SCART1: variants seen among roughly 807,000 people sequenced by gnomAD.
SCART1 encodes scavenger receptor family member expressed on T cells 1, also known as scavenger receptor cysteine-rich domain-containing protein SCART1.
SCART1 carries 62 observed loss-of-function variants against 36.2 expected under a neutral mutation model. That is an observed-to-expected ratio of 1.71 (90% CI 1.40 to 2.12). The LOEUF is 2.12. Ranked by LOEUF, SCART1 falls within the 30% of genes most tolerant of loss-of-function variation. The pLI is 0.00. For missense variants in SCART1, 1,041 were observed against 540.5 expected, an observed-to-expected ratio of 1.93 and a Z score of -9.18; for synonymous variants, 487 against 238.7, an observed-to-expected ratio of 2.04 and a Z score of -9.59.
At chr10:133,458,003 G>A (rs2133551444) in intron 3 of SCART1, 2 of 540,320 alleles carry the variant, frequency 3.7e-6, no homozygotes, top group African/African-American at 1.9e-5. Context: ...TAGTCTGCCT[G>A]CTGCGGTACC....
chr10:133,458,403 C>T (rs777242891), exon 4 of SCART1: 47 of 702,164 alleles, frequency 6.7e-5, no homozygotes, highest in Non-Finnish European at 8.3e-5. Flanking sequence ...ACCCCTGCGC[C>T]GGGCGCCTGG....
intron 6 of SCART1, among the ~76,000 whole-genome samples, chr10:133,463,679 A>G (rs1176857292): frequency 1.1e-4 from 17 of 151,666 alleles, no homozygotes; most frequent in Non-Finnish European, 2.2e-4. Context: ...TATGTACCAC[A>G]TTTCTGTTTT....
rs180738082 is a variant in SCART1 at position 133,461,288 on chromosome 10, G to A, written c.1969+1118G>A. On this transcript the variant is annotated intron_variant, in intron 6 of 11. Transcript: ENST00000640237. ...ACCTGCGGTCTCCTGAGAGGGTCAC[G>A]GGCTGCCCATCTGACCTGTGGTCTC... Among the ~76,000 whole-genome samples the A allele has an allele frequency of 2.4e-4, 36 of 151,314 alleles. No individual in the cohort carries two copies. In the South Asian group the frequency reaches 5.2e-3, roughly 22 times the overall value.
rs140071294 is a variant in SCART1, at chr10:133,456,134, C to T, written c.68-103C>T. 1.0e-3 allele frequency: 647 copies of T among 635,876 alleles called. 1 individual carries two copies. The highest frequency in any genetic ancestry group is 9.7e-3 in the African/African-American group (540 of 55,734). 39.4% of individuals were successfully genotyped at this position (635,876 alleles called of 1,614,324 possible). On this transcript the variant is annotated intron_variant, in intron 1 of 11. Coordinates refer to ENST00000640237, the Ensembl canonical transcript of SCART1. ...TTGGTGGGGTGAGAGGAGCCCGACT[C>T]GCTGCTGAGGCCTCACAGGCCGTTC...
At chr10:133,467,015 G>A (rs114558588) in intron 10 of SCART1, 183 bp from the exon 11 acceptor site, 19 of 514,232 alleles carry the variant, frequency 3.7e-5, no homozygotes, top group African/African-American at 2.3e-4. Context: ...GGCAAGGGAC[G>A]GTGGCCAGGG....
chr10:133,456,903 A>G (rs1850623413), intron 2 of SCART1, among the ~76,000 whole-genome samples: 1 of 152,116 alleles, frequency 6.6e-6, no homozygotes, highest in Admixed American at 6.5e-5. Context: ...TAGACAAATG[A>G]CAGACAGGTA....
intron 2 of SCART1, 41 bp from the exon 3 acceptor site, chr10:133,457,238 C>T (rs1412169481): frequency 1.4e-6 from 1 of 690,608 alleles, no homozygotes; most frequent in East Asian, 2.7e-5. Flanking sequence ...ATGCGGCCAG[C>T]TGGGTCCATA....
Position 133,466,475 on chromosome 10 carries a change from G to T in SCART1, c.2806+94G>T, listed in dbSNP as rs184390807. On this transcript the variant is annotated intron_variant, in intron 10 of 11. Transcript: ENST00000640237. ...TGGTGTTGGGGTCTGGGCAGGCGGG[G>T]TGCCCCACAGCAGTCAGGCCTATGC... The T allele has an allele frequency of 4.0e-3, 2,568 of 645,134 alleles. 15 individuals are homozygous for T. Among genetic ancestry groups the T allele is most frequent in the Non-Finnish European group, 4.4e-3 (1,585 of 359,082 alleles). 40.0% of individuals were successfully genotyped at this position (645,134 alleles called of 1,614,324 possible).
chr10:133,460,124 G>A (rs1850679749), exon 6 of SCART1: 3 of 518,386 alleles, frequency 5.8e-6, no homozygotes, highest in Middle Eastern at 2.7e-4. Context: ...CGGGCTGGGG[G>A]CGGCACGACT....
At chr10:133,461,411 A>C (rs547118045) in intron 6 of SCART1, among the ~76,000 whole-genome samples, 1 of 152,236 alleles carries the variant, frequency 6.6e-6, no homozygotes, top group East Asian at 1.9e-4. Flanking sequence ...ATTTTGGTTT[A>C]TATTTTACTT....
rs755788903 is a variant in SCART1 at position 133,465,273 on chromosome 10, C to G, written c.2367C>G (p.Arg789=). ...CAGAGGAGGGCGCACTGCGCGTGCGCGGGGGCGAGGACCGCTGCTCCGGGC... is the reference window on the plus strand; with the variant it reads ...CAGAGGAGGGCGCACTGCGCGTGCGGGGGGGCGAGGACCGCTGCTCCGGGC... The change falls in exon 9 of 12, where the codon CGC becomes CGG. Residue 789 remains arginine, a synonymous_variant. Coordinates refer to ENST00000640237, the Ensembl canonical transcript of SCART1. 3.1e-5 allele frequency: 21 copies of G among 688,044 alleles called. 1 individual carries two copies. The highest frequency in any genetic ancestry group is 2.7e-4 in the South Asian group (18 of 65,852). The allele number at this position is 688,044 out of a possible 1,614,324, so 42.6% of individuals were successfully genotyped here. A position where few individuals can be genotyped will look rare whatever the true frequency, so the allele number is the denominator to read the frequency against.
chr10:133,456,425 G>A (rs1218279314), exon 2 of SCART1: 1 of 702,870 alleles, frequency 1.4e-6, no homozygotes, highest in East Asian at 2.7e-5. Context: ...GCTGCCTGGA[G>A]AGATGGCCCA....
chr10:133,454,135 G>T, intron 1 of SCART1, 71 bp downstream of exon 1: 2 of 702,098 alleles, frequency 2.8e-6, no homozygotes, highest in South Asian at 3.0e-5. Context: ...AGGCCCCGGG[G>T]CATGAGGGTC....
At chr10:133,457,612 G>T (rs777085403) in intron 3 of SCART1, 37 bp downstream of exon 3, 5 of 646,968 alleles carry the variant, frequency 7.7e-6, no homozygotes, top group Non-Finnish European at 1.4e-5. Flanking sequence ...TGACCCTTGG[G>T]ATGATGCTGG....
chr10:133,456,613 G>A, intron 2 of SCART1, 59 bp downstream of exon 2: 2 of 608,628 alleles, frequency 3.3e-6, no homozygotes, highest in Non-Finnish European at 5.9e-6. Flanking sequence ...GGAGGACGAG[G>A]AGGAGGACTG....
In SCART1 at chr10:133,464,834, C is replaced by T. The variant is rs556588463; in HGVS notation, c.2198C>T (p.Pro733Leu). 56 of 702,880 alleles carry T rather than the reference C, an allele frequency of 8.0e-5. 1 individual carries two copies. The highest frequency in any genetic ancestry group is 2.3e-4 in the Middle Eastern group (1 of 4,322). The allele number at this position is 702,880 out of a possible 1,614,324, so 43.5% of individuals were successfully genotyped here. ...CGCCTGGGTGGACAACATCGAGTGC[C>T]GCAGGCTGCCCAACTCCACTCTGTG... Residue 733 changes from proline (P) to leucine (L), a missense_variant, in exon 7 of 12, where the codon CCG becomes CTG. Pro to Leu is a moderately conservative substitution (Grantham distance 98). Transcript: ENST00000640237.
chr10:133,464,888 C>T (rs1023819429), exon 7 of SCART1: 32 of 702,798 alleles, frequency 4.6e-5, no homozygotes, highest in Non-Finnish European at 8.1e-5. Context: ...ATGGCACCCG[C>T]ACTCTTGCGA....
At chr10:133,457,743 C>G (rs2133551241) in intron 3 of SCART1, 168 bp downstream of exon 3, 1 of 567,502 alleles carries the variant, frequency 1.8e-6, no homozygotes, top group South Asian at 2.3e-5. Context: ...CGCTGGTTCT[C>G]AGCAGAGTGG....
At chr10:133,458,184 G>C in intron 3 of SCART1, 176 bp from the exon 4 acceptor site, 1 of 700,110 alleles carries the variant, frequency 1.4e-6, no homozygotes, top group Non-Finnish European at 2.6e-6. Flanking sequence ...CGTCTGCTCT[G>C]CTCTGGGTGC....
Sources: allele counts gnomAD v4.1 joint callset (sites outside exome capture counted in the v4.1 genomes callset), GRCh38; gene constraint gnomAD v4.1.1; transcripts MANE v1.5; gene names NCBI Gene and HGNC (gene_info 2026-07-23, HGNC 2026-07-21).